PACS1: variants seen among roughly 807,000 people sequenced by gnomAD.
PACS1 encodes phosphofurin acidic cluster sorting protein 1.
In PACS1, 24 loss-of-function variants were observed where a neutral mutation model predicts 115.0. The ratio of observed to expected loss-of-function variants is 0.21; its 90% CI spans 0.15 to 0.29. The LOEUF (loss-of-function observed/expected upper bound fraction) is 0.29. Ranked by LOEUF, PACS1 falls within the 10% of genes least tolerant of loss-of-function variation. PACS1 has a pLI of 1.00. For synonymous variants in PACS1, 453 were observed against 504.5 expected (o/e 0.90, Z 1.37); for missense variants, 838 against 1,251.2 (o/e 0.67, Z 4.98).
chr11:66,209,560 T>C (rs377143533), intron 2 of PACS1, among the ~76,000 whole-genome samples: 75 of 152,278 alleles, frequency 4.9e-4, no homozygotes, highest in African/African-American at 1.5e-3. Context: ...ATCAGACTTA[T>C]GGTAGAGGCT....
intron 13 of PACS1, 28 bp from the exon 14 acceptor site, chr11:66,232,144 C>G: frequency 6.7e-7 from 1 of 1,496,814 alleles, no homozygotes; most frequent in Non-Finnish European, 9.3e-7. Context: ...GACTCCCTAA[C>G]AAGAGACACT....
In PACS1 at chr11:66,133,175, TG is replaced by T. The variant is rs531837900; in HGVS notation, c.357-60309del. On this transcript the variant is annotated intron_variant, in intron 1 of 23. Coordinates refer to ENST00000320580, the MANE Select transcript of PACS1 (RefSeq NM_018026.4). ...TCTGGAATCTGTCCTGGGCACTTTA[TG>T]GCCTCCTGCTGCTACTCTAACCCGT... 1.6e-3 allele frequency among the ~76,000 whole-genome samples: 243 copies of T among 152,358 alleles called. 2 individuals carry two copies. The highest frequency in any genetic ancestry group is 0.014 in the Middle Eastern group (4 of 294).
At chr11:66,163,024 CA>C (rs1368755820) in intron 1 of PACS1, among the ~76,000 whole-genome samples, 2 of 151,936 alleles carry the variant, frequency 1.3e-5, no homozygotes, top group African/African-American at 4.8e-5. Context: ...CCTATTAATA[CA>C]AAAAAGTTTA....
At position 66,221,169 on chromosome 11, in the gene PACS1, G is replaced by T; in HGVS notation, c.1215G>T (p.Gly405=). 1 of 1,614,190 alleles carries T rather than the reference G, an allele frequency of 6.2e-7. No homozygotes were observed. The highest frequency in any genetic ancestry group is 8.5e-7 in the Non-Finnish European group (1 of 1,180,026). Residue 405 remains glycine (G), a synonymous_variant, in exon 10 of 24, where the codon GGG becomes GGT. Coordinates refer to ENST00000320580, the MANE Select transcript of PACS1 (RefSeq NM_018026.4). ...TTCACCACAGGCCTTTCTTTGAGGG[G>T]ATGTCGCAGTCCAGCTCCCAGACGG... The part of the protein sequence containing the change: ...PKPKLKPFFE[G]MSQSSSQTEI...
At chr11:66,150,713 G>C (rs1008189007) in intron 1 of PACS1, among the ~76,000 whole-genome samples, 9 of 152,118 alleles carry the variant, frequency 5.9e-5, no homozygotes, top group Non-Finnish European at 1.0e-4. Context: ...TTGGATTAGA[G>C]GAAATTTCCA....
intron 1 of PACS1, among the ~76,000 whole-genome samples, chr11:66,165,990 G>A (rs995275343): frequency 6.6e-6 from 1 of 151,932 alleles, no homozygotes; most frequent in Admixed American, 6.6e-5. Flanking sequence ...CCCTTTCTTT[G>A]TCCATTATTC....
chr11:66,238,906 TA>T, intron 20 of PACS1, 60 bp downstream of exon 20: 6 of 1,495,500 alleles, frequency 4.0e-6, no homozygotes, highest in Non-Finnish European at 5.5e-6. Flanking sequence ...GTCTTCCCTC[TA>T]GTCCAGCAGG....
Position 66,241,452 on chromosome 11 carries a change from G to GT in PACS1, c.2456dup (p.Ile820AspfsTer45). 1 of 1,605,608 alleles carries GT rather than the reference G, an allele frequency of 6.2e-7. No individual in the cohort carries two copies. Among genetic ancestry groups the GT allele is most frequent in the Non-Finnish European group, 8.5e-7 (1 of 1,175,986 alleles). ...GAGCCCTAATAGCCCATATGGGGAC[G>GT]TGATTGGCCTCCAGGTGGACTACTG... is the stretch of plus-strand genomic sequence containing the variant. On this transcript the variant is annotated frameshift_variant, in exon 22 of 24. Coordinates refer to ENST00000320580, the MANE Select transcript of PACS1 (RefSeq NM_018026.4). LOFTEE classifies it high-confidence loss of function.
chr11:66,122,026 A>G (rs1169530264), intron 1 of PACS1, among the ~76,000 whole-genome samples: 1 of 152,246 alleles, frequency 6.6e-6, no homozygotes, highest in Admixed American at 6.5e-5. Flanking sequence ...TCATAGCTAG[A>G]GAGGAGAAGT....
chr11:66,110,168 A>G (rs1204442923), intron 1 of PACS1, among the ~76,000 whole-genome samples: 1 of 152,164 alleles, frequency 6.6e-6, no homozygotes, highest in African/African-American at 2.4e-5. Context: ...GAGTAGTTAT[A>G]TCTTACCTTA....
intron 1 of PACS1, among the ~76,000 whole-genome samples, chr11:66,108,552 C>G (rs1189882607): frequency 6.6e-6 from 1 of 152,012 alleles, no homozygotes; most frequent in East Asian, 1.9e-4. Flanking sequence ...GCAAGACCCC[C>G]TGTCTCTACA....
At chr11:66,106,615 G>C (rs904058227) in intron 1 of PACS1, among the ~76,000 whole-genome samples, 1 of 151,956 alleles carries the variant, frequency 6.6e-6, no homozygotes, top group Non-Finnish European at 1.5e-5. Flanking sequence ...GGTGGTGCAT[G>C]CCTGTAATCC....
At chr11:66,200,213 T>C (rs1019042980) in intron 2 of PACS1, among the ~76,000 whole-genome samples, 2 of 152,090 alleles carry the variant, frequency 1.3e-5, no homozygotes, top group Non-Finnish European at 2.9e-5. Context: ...TAGCTGGATG[T>C]GGTGGTGTGC....
intron 4 of PACS1, among the ~76,000 whole-genome samples, chr11:66,213,481 G>A (rs1855125364): frequency 6.6e-6 from 1 of 152,226 alleles, no homozygotes; most frequent in African/African-American, 2.4e-5. Context: ...AGAGGATGGT[G>A]TTCAGAAACC....
intron 1 of PACS1, among the ~76,000 whole-genome samples, chr11:66,144,477 A>C (rs1859073175): frequency 6.6e-6 from 1 of 152,240 alleles, no homozygotes; most frequent in Non-Finnish European, 1.5e-5. Flanking sequence ...AACTTGCTCC[A>C]GGTGCTTAGA....
At chr11:66,130,435 G>T (rs1172942389) in intron 1 of PACS1, among the ~76,000 whole-genome samples, 1 of 151,972 alleles carries the variant, frequency 6.6e-6, no homozygotes, top group African/African-American at 2.4e-5. Flanking sequence ...TATTGACATT[G>T]CAAGGGTCCC....
chr11:66,165,487 G>A (rs574840878), intron 1 of PACS1, among the ~76,000 whole-genome samples: 9 of 152,060 alleles, frequency 5.9e-5, no homozygotes, highest in Non-Finnish European at 8.8e-5. Flanking sequence ...TGATCTTTCC[G>A]TTGAGATCAA....
chr11:66,111,969 C>T (rs1858198210), intron 1 of PACS1, among the ~76,000 whole-genome samples: 1 of 152,116 alleles, frequency 6.6e-6, no homozygotes, highest in African/African-American at 2.4e-5. Context: ...ATAATGCCTG[C>T]CTCATGTAGT....
intron 1 of PACS1, among the ~76,000 whole-genome samples, chr11:66,090,271 C>CTTTTTTTTTTTTTTT (rs930565654): frequency 9.1e-6 from 1 of 109,444 alleles, no homozygotes; most frequent in Non-Finnish European, 1.8e-5. Context: ...TCTTTCCTTT[C>CTTTTTTTTTTTTTTT]TTTTTTTTTT....
Sources: gnomAD v4.1 joint callset for allele counts (sites outside exome capture counted in the v4.1 genomes callset) on GRCh38, gnomAD v4.1.1 for gene constraint, MANE v1.5 for transcripts, NCBI Gene and HGNC (gene_info 2026-07-23, HGNC 2026-07-21) for gene names.